The following ZC3H12B variants were observed in gnomAD, a reference collection of about 807,000 sequenced individuals.
ZC3H12B encodes the protein zinc finger CCCH-type containing 12B, also known as probable ribonuclease ZC3H12B.
In ZC3H12B, 7 loss-of-function variants were observed where a neutral mutation model predicts 43.9. That is an observed-to-expected ratio of 0.16 (90% CI 0.09 to 0.30). ZC3H12B has a LOEUF of 0.30. Among genes scored for constraint, ZC3H12B ranks in the 10% least tolerant of loss-of-function variants. ZC3H12B has a pLI of 1.00. For synonymous variants in ZC3H12B, 222 were observed against 241.7 expected (o/e 0.92, Z 0.76); for missense variants, 475 against 670.2 (o/e 0.71, Z 3.22).
chrX:65,299,507 G>GA, the ZC3H12B span, among the ~76,000 whole-genome samples: 1 of 112,176 alleles, frequency 8.9e-6, no homozygotes, highest in African/African-American at 3.2e-5. Flanking sequence ...GATTACAAAG[G>GA]AACTGGAAAG....
At chrX:65,453,725 T>TCA (rs920684992) in intron 3 of ZC3H12B, among the ~76,000 whole-genome samples, 1 of 108,893 alleles carries the variant, frequency 9.2e-6, no homozygotes, top group Non-Finnish European at 1.9e-5. Flanking sequence ...TGAGACCATG[T>TCA]CACACACACA....
the ZC3H12B span, among the ~76,000 whole-genome samples, chrX:65,253,652 A>T: frequency 8.9e-6 from 1 of 111,856 alleles, no homozygotes; most frequent in Admixed American, 9.4e-5. Context: ...CTGGCCTCTT[A>T]TGGGGCCCCA....
chrX:65,304,632 A>G, the ZC3H12B span, among the ~76,000 whole-genome samples: 1 of 110,245 alleles, frequency 9.1e-6, no homozygotes, highest in African/African-American at 3.3e-5. Flanking sequence ...AAAAAAAACA[A>G]AAAACAAAAA....
At chrX:65,428,643 G>T (rs1386431865) in intron 3 of ZC3H12B, among the ~76,000 whole-genome samples, 2 of 112,170 alleles carry the variant, frequency 1.8e-5, no homozygotes, top group African/African-American at 6.5e-5. Flanking sequence ...TATTTTAGCT[G>T]TCAGCTCCTG....
chrX:65,424,730 TC>T (rs1602417113), intron 3 of ZC3H12B, among the ~76,000 whole-genome samples: 1 of 112,030 alleles, frequency 8.9e-6, no homozygotes, highest in African/African-American at 3.2e-5. Flanking sequence ...GGGAATCCTT[TC>T]CCCATTGCTT....
At position 65,393,389 on chromosome X, in the gene ZC3H12B, G is replaced by A. The variant is rs747220733; in HGVS notation, n.296-5204G>A. Among the ~76,000 whole-genome samples the A allele has an allele frequency of 2.7e-4, 30 of 111,055 alleles. No homozygotes were observed. The East Asian group carries it at 3.4e-3, about 13-fold the overall frequency. On this transcript the variant is annotated intron_variant and non_coding_transcript_variant, in intron 2 of 5. Transcript: ENST00000617377. ...GGTGGTTTGCTGCACCTTTCAACCC[G>A]TCATCTAGGTTTTAAGCACCGCATG...
At chrX:65,448,673 T>C (rs1179104704) in intron 3 of ZC3H12B, among the ~76,000 whole-genome samples, 1 of 109,411 alleles carries the variant, frequency 9.1e-6, no homozygotes, top group Admixed American at 9.9e-5. Flanking sequence ...AAAAATTAGC[T>C]GGACGTGGTG....
chrX:65,202,792 A>T, the ZC3H12B span, among the ~76,000 whole-genome samples: 1 of 110,607 alleles, frequency 9.0e-6, no homozygotes, highest in Non-Finnish European at 1.9e-5. Flanking sequence ...TACAATCAGA[A>T]GTTGGTGAAG....
chrX:65,094,828 G>A, the ZC3H12B span, among the ~76,000 whole-genome samples: 34 of 112,364 alleles, frequency 3.0e-4, no homozygotes, highest in South Asian at 4.1e-3. Context: ...CATGTCTGCA[G>A]CATGAAGACA....
chrX:65,409,577 C>T, intron 3 of ZC3H12B, among the ~76,000 whole-genome samples: 1 of 110,022 alleles, frequency 9.1e-6, no homozygotes, highest in Non-Finnish European at 1.9e-5. Flanking sequence ...CACACACACA[C>T]ACACACACAC....
intron 2 of ZC3H12B, among the ~76,000 whole-genome samples, chrX:65,389,036 A>T (rs779466937): frequency 1.8e-5 from 2 of 111,962 alleles, no homozygotes; most frequent in African/African-American, 3.2e-5. Context: ...GTGAGGTGTC[A>T]GTCTTCCCCT....
chrX:65,367,726 G>A (rs1205111576), intron 1 of ZC3H12B, among the ~76,000 whole-genome samples: 1 of 109,585 alleles, frequency 9.1e-6, no homozygotes, highest in African/African-American at 3.3e-5. Context: ...TTTTTCTTTT[G>A]TTTTATCTAT....
the ZC3H12B span, among the ~76,000 whole-genome samples, chrX:65,337,539 G>A: frequency 4.4e-4 from 49 of 112,137 alleles, no homozygotes; most frequent in East Asian, 0.013. Context: ...AATTGTTAGC[G>A]ATTTGAGGTG....
the ZC3H12B span, among the ~76,000 whole-genome samples, chrX:65,172,092 C>T: frequency 5.3e-5 from 6 of 112,537 alleles, no homozygotes; most frequent in South Asian, 1.5e-3. Flanking sequence ...AGAAATCACT[C>T]GTCTTCTGTG....
the ZC3H12B span, among the ~76,000 whole-genome samples, chrX:65,266,006 T>G: frequency 9.0e-6 from 1 of 111,494 alleles, no homozygotes; most frequent in Non-Finnish European, 1.9e-5. Context: ...CTCCCTGAGT[T>G]GAGAAGCTAG....
At chrX:65,180,058 A>G in the ZC3H12B span, among the ~76,000 whole-genome samples, 18 of 111,562 alleles carry the variant, frequency 1.6e-4, no homozygotes, top group Non-Finnish European at 3.2e-4. Context: ...CAAAAAATGA[A>G]AATTTCAGGC....
In ZC3H12B at chrX:65,495,173, A is replaced by G. The variant is rs1295438436; in HGVS notation, c.609-1959A>G. Among the ~76,000 whole-genome samples, 26 of 112,425 alleles carry G rather than the reference A, an allele frequency of 2.3e-4. No homozygotes were observed. In the Admixed American group the frequency reaches 2.5e-3, roughly 11 times the overall value. On this transcript the variant is annotated intron_variant, in intron 1 of 4. Transcript: ENST00000338957. The stretch of plus-strand genomic sequence containing the variant: ...CCTTAGAGTGTATTGACAGCTAAAT[A>G]TATTTTCCTTTTGTTTCTTAAGTGC...
At chrX:65,266,239 G>A in the ZC3H12B span, among the ~76,000 whole-genome samples, 1 of 112,038 alleles carries the variant, frequency 8.9e-6, no homozygotes, top group Non-Finnish European at 1.9e-5. Context: ...GAGGTACATG[G>A]AACTAAAATT....
intron 3 of ZC3H12B, among the ~76,000 whole-genome samples, chrX:65,407,380 G>A (rs2066843323): frequency 8.9e-6 from 1 of 112,475 alleles, no homozygotes; most frequent in African/African-American, 3.2e-5. Context: ...GGGGCGTGCC[G>A]AGCCGCCTTC....
Sources: allele counts gnomAD v4.1 joint callset (sites outside exome capture counted in the v4.1 genomes callset), GRCh38; gene constraint gnomAD v4.1.1; transcripts MANE v1.5; gene names NCBI Gene and HGNC (gene_info 2026-07-23, HGNC 2026-07-21).